DDR2: variants seen among roughly 807,000 people sequenced by gnomAD.
DDR2 encodes the protein discoidin domain receptor tyrosine kinase 2.
In DDR2, 27 loss-of-function variants were observed where a neutral mutation model predicts 94.9. That is an observed-to-expected ratio of 0.28 (90% CI 0.21 to 0.39). DDR2 has a LOEUF of 0.39. Among genes scored for constraint, DDR2 ranks in the 10% least tolerant of loss-of-function variants. The pLI, the probability that DDR2 is intolerant of heterozygous loss-of-function variation, is 1.00. For synonymous variants in DDR2, 382 were observed against 377.2 expected (o/e 1.01, Z -0.15); for missense variants, 783 against 1,076.0 (o/e 0.73, Z 3.81).
intron 1 of DDR2, among the ~76,000 whole-genome samples, chr1:162,654,411 A>G (rs1657855333): frequency 1.3e-5 from 2 of 152,166 alleles, no homozygotes; most frequent in South Asian, 4.1e-4. Flanking sequence ...ACTCCACTGC[A>G]CTCCAGCCTG....
rs149582604 is a variant in DDR2, at chr1:162,733,064, G to C, written c.82+13919G>C. Among the ~76,000 whole-genome samples, 50 of 152,340 alleles carry C rather than the reference G, an allele frequency of 3.3e-4. No homozygotes were observed. In the East Asian group the frequency reaches 8.9e-3, roughly 27 times the overall value. ...TCCGGGAGATTGGTGGGTAGCGGAA[G>C]CATCAGAAAACCGCTAAGACAACTC... On this transcript the variant is annotated intron_variant, in intron 3 of 17. Coordinates refer to ENST00000367921, the MANE Select transcript of DDR2 (RefSeq NM_006182.4).
At chr1:162,761,984 A>G (rs1379113965) in intron 9 of DDR2, among the ~76,000 whole-genome samples, 2 of 152,228 alleles carry the variant, frequency 1.3e-5, no homozygotes, top group African/African-American at 2.4e-5. Context: ...CATCATTTTC[A>G]TAGGTATAAT....
intron 2 of DDR2, among the ~76,000 whole-genome samples, chr1:162,671,890 C>A (rs1365267212): frequency 6.6e-6 from 1 of 152,150 alleles, no homozygotes; most frequent in Non-Finnish European, 1.5e-5. Flanking sequence ...TCATACCTAC[C>A]AGTCACTCAG....
At chr1:162,715,691 A>G (rs935291166) in intron 2 of DDR2, among the ~76,000 whole-genome samples, 1 of 152,234 alleles carries the variant, frequency 6.6e-6, no homozygotes, top group African/African-American at 2.4e-5. Context: ...TCAGGTGTGT[A>G]ACCTGATTAG....
intron 3 of DDR2, among the ~76,000 whole-genome samples, chr1:162,736,380 C>T (rs1053589877): frequency 1.3e-5 from 2 of 152,130 alleles, no homozygotes; most frequent in African/African-American, 2.4e-5. Context: ...GTGGTAGAAC[C>T]GGGAGTGGAT....
chr1:162,679,993 C>T (rs1019525412), intron 2 of DDR2, among the ~76,000 whole-genome samples: 5 of 151,758 alleles, frequency 3.3e-5, no homozygotes, highest in South Asian at 2.1e-4. Context: ...TTTGGTTTTT[C>T]CTTGTAAATT....
chr1:162,656,915 A>G (rs1263223882), intron 2 of DDR2, among the ~76,000 whole-genome samples: 1 of 128,454 alleles, frequency 7.8e-6, no homozygotes, highest in African/African-American at 2.9e-5. Flanking sequence ...AATCTTGTGC[A>G]ATCTTGGCTC....
intron 16 of DDR2, among the ~76,000 whole-genome samples, chr1:162,778,314 T>C (rs559602837): frequency 6.6e-6 from 1 of 152,196 alleles, no homozygotes; most frequent in African/African-American, 2.4e-5. Context: ...AGTTGAAAGG[T>C]TGACCTAACA....
intron 2 of DDR2, among the ~76,000 whole-genome samples, chr1:162,677,605 TCTC>T (rs954848401): frequency 6.6e-5 from 10 of 152,192 alleles, no homozygotes; most frequent in Non-Finnish European, 1.2e-4. Flanking sequence ...TAGCTTTTCT[TCTC>T]CTGACTTTTC....
At chr1:162,714,537 A>G (rs913704906) in intron 2 of DDR2, among the ~76,000 whole-genome samples, 4 of 152,166 alleles carry the variant, frequency 2.6e-5, no homozygotes, top group Non-Finnish European at 5.9e-5. Context: ...ATTTCCATTT[A>G]TTCATGAGTC....
At chr1:162,686,766 TG>T (rs1659709451) in intron 2 of DDR2, among the ~76,000 whole-genome samples, 1 of 152,150 alleles carries the variant, frequency 6.6e-6, no homozygotes, top group Non-Finnish European at 1.5e-5. Context: ...TTAGTAGAAA[TG>T]GGGTTTTGCC....
At chr1:162,739,266 AAAAC>A (rs1358067766) in intron 3 of DDR2, among the ~76,000 whole-genome samples, 1 of 151,400 alleles carries the variant, frequency 6.6e-6, no homozygotes, top group Non-Finnish European at 1.5e-5. Flanking sequence ...TTACAAGAAA[AAAAC>A]AAACAACCCC....
chr1:162,745,804 T>G (rs1349801417), intron 3 of DDR2, among the ~76,000 whole-genome samples: 1 of 152,250 alleles, frequency 6.6e-6, no homozygotes, highest in Non-Finnish European at 1.5e-5. Flanking sequence ...TTGAAACTTT[T>G]TGTGGTTCCA....
chr1:162,743,471 A>G (rs1339144860), intron 3 of DDR2, among the ~76,000 whole-genome samples: 1 of 152,136 alleles, frequency 6.6e-6, no homozygotes, highest in Non-Finnish European at 1.5e-5. Context: ...CCAAGCTGAG[A>G]GAAGTCTCGC....
chr1:162,778,443 C>A, intron 16 of DDR2, 137 bp from the exon 17 acceptor site: 1 of 1,039,038 alleles, frequency 9.6e-7, no homozygotes, highest in Non-Finnish European at 1.5e-6. Flanking sequence ...TTTCTAAATA[C>A]TCCATGCACA....
intron 3 of DDR2, among the ~76,000 whole-genome samples, chr1:162,735,604 A>G (rs898783601): frequency 6.6e-6 from 1 of 152,226 alleles, no homozygotes. Flanking sequence ...CACAATACAT[A>G]GATCAAAGAG....
At chr1:162,716,606 A>T (rs1179419147) in intron 2 of DDR2, among the ~76,000 whole-genome samples, 8 of 152,116 alleles carry the variant, frequency 5.3e-5, no homozygotes, top group Non-Finnish European at 8.8e-5. Context: ...GTAGTTGTAG[A>T]TCACATACCC....
chr1:162,653,508 C>T (rs1657804369), intron 1 of DDR2, among the ~76,000 whole-genome samples: 1 of 151,566 alleles, frequency 6.6e-6, no homozygotes, highest in Admixed American at 6.6e-5. Context: ...ACCCGAGAGG[C>T]GGAGGTTGCA....
intron 3 of DDR2, among the ~76,000 whole-genome samples, chr1:162,723,344 G>T (rs1331370612): frequency 6.6e-6 from 1 of 152,134 alleles, no homozygotes; most frequent in Non-Finnish European, 1.5e-5. Flanking sequence ...TTTCCAGCTT[G>T]GGCTGGGACT....
Sources: allele counts gnomAD v4.1 joint callset (sites outside exome capture counted in the v4.1 genomes callset), GRCh38; gene constraint gnomAD v4.1.1; transcripts MANE v1.5; gene names NCBI Gene and HGNC (gene_info 2026-07-23, HGNC 2026-07-21).